Variants in ST8SIA4 observed in about 807,000 individuals in gnomAD.
ST8SIA4 encodes the protein ST8 alpha-N-acetyl-neuraminide alpha-2,8-sialyltransferase 4, also known as CMP-N-acetylneuraminate-poly-alpha-2,8-sialyltransferase.
ST8SIA4 carries 15 observed loss-of-function variants against 33.9 expected under a neutral mutation model. That is an observed-to-expected ratio of 0.44 (90% CI 0.30 to 0.68). ST8SIA4 has a LOEUF of 0.68. ST8SIA4 is among the 30% of genes least tolerant of loss of function. ST8SIA4 has a pLI of 0.10. For synonymous variants in ST8SIA4, 171 were observed against 151.2 expected (o/e 1.13, Z -0.96); for missense variants, 321 against 428.0 (o/e 0.75, Z 2.21).
At chr5:100,842,119 A>G (rs1185120892) in intron 4 of ST8SIA4, among the ~76,000 whole-genome samples, 1 of 151,946 alleles carries the variant, frequency 6.6e-6, no homozygotes, top group East Asian at 1.9e-4. Flanking sequence ...GAATTTTTTA[A>G]TGAAAAATAT....
intron 2 of ST8SIA4, among the ~76,000 whole-genome samples, chr5:100,890,141 G>C (rs1367188217): frequency 6.6e-6 from 1 of 151,790 alleles, no homozygotes; most frequent in African/African-American, 2.4e-5. Context: ...TAATTACTAT[G>C]AGTGAATAAT....
chr5:100,895,506 AG>A, intron 2 of ST8SIA4, 147 bp downstream of exon 2: 1 of 703,944 alleles, frequency 1.4e-6, no homozygotes, highest in South Asian at 2.4e-5. Context: ...CATATTCTTC[AG>A]TGAGCAACAT....
At chr5:100,827,715 C>A (rs544795583) in intron 4 of ST8SIA4, among the ~76,000 whole-genome samples, 1 of 152,298 alleles carries the variant, frequency 6.6e-6, no homozygotes, top group South Asian at 2.1e-4. Flanking sequence ...TGTATTTAAT[C>A]AGGCACTCCC....
intron 4 of ST8SIA4, among the ~76,000 whole-genome samples, chr5:100,842,675 G>T (rs1375847571): frequency 6.6e-6 from 1 of 151,584 alleles, no homozygotes; most frequent in Non-Finnish European, 1.5e-5. Context: ...AATGGTTTTT[G>T]CAAAAAGCTC....
chr5:100,823,073 C>G (rs538343350), intron 4 of ST8SIA4, among the ~76,000 whole-genome samples: 91 of 152,014 alleles, frequency 6.0e-4, no homozygotes, highest in Non-Finnish European at 1.0e-3. Flanking sequence ...AGAGGTTGCA[C>G]TGAGCTGAGA....
intron 4 of ST8SIA4, among the ~76,000 whole-genome samples, chr5:100,814,930 C>G (rs1431675414): frequency 6.6e-6 from 1 of 151,918 alleles, no homozygotes; most frequent in Non-Finnish European, 1.5e-5. Flanking sequence ...TATTTGAAAA[C>G]TGCAAATTTT....
At chr5:100,847,632 T>C (rs1312577771) in intron 4 of ST8SIA4, among the ~76,000 whole-genome samples, 1 of 152,158 alleles carries the variant, frequency 6.6e-6, no homozygotes, top group East Asian at 1.9e-4. Flanking sequence ...TCTGTTTATT[T>C]GTTAGAAACC....
At chr5:100,822,788 G>T (rs573196632) in intron 4 of ST8SIA4, among the ~76,000 whole-genome samples, 1 of 152,104 alleles carries the variant, frequency 6.6e-6, no homozygotes, top group African/African-American at 2.4e-5. Flanking sequence ...GGATGAGACA[G>T]AATGTCAACA....
intron 4 of ST8SIA4, among the ~76,000 whole-genome samples, chr5:100,843,022 G>C (rs1201558317): frequency 6.6e-6 from 1 of 151,822 alleles, no homozygotes; most frequent in African/African-American, 2.4e-5. Context: ...CACTGGTAAA[G>C]TTTGCTGAAA....
intron 4 of ST8SIA4, among the ~76,000 whole-genome samples, chr5:100,821,471 T>A (rs1561384535): frequency 6.6e-6 from 1 of 152,160 alleles, no homozygotes. Flanking sequence ...GACAATAAAA[T>A]ATAAACAACT....
chr5:100,878,917 C>A (rs1314168921), intron 3 of ST8SIA4, among the ~76,000 whole-genome samples: 1 of 151,954 alleles, frequency 6.6e-6, no homozygotes, highest in Non-Finnish European at 1.5e-5. Context: ...TAGGCAGTAC[C>A]ACATGTTTCG....
intron 3 of ST8SIA4, chr5:100,885,710 T>A: frequency 1.1e-6 from 1 of 947,430 alleles, no homozygotes; most frequent in Non-Finnish European, 1.3e-6. Flanking sequence ...GTTGAGTTTT[T>A]TTCAGTTAAT....
At chr5:100,840,130 GTCTAA>G (rs1435753961) in intron 4 of ST8SIA4, among the ~76,000 whole-genome samples, 2 of 151,616 alleles carry the variant, frequency 1.3e-5, no homozygotes, top group Non-Finnish European at 3.0e-5. Flanking sequence ...CAGCAACATT[GTCTAA>G]TACCTGAAAT....
At chr5:100,877,416 G>C (rs942592911) in intron 3 of ST8SIA4, among the ~76,000 whole-genome samples, 4 of 152,086 alleles carry the variant, frequency 2.6e-5, no homozygotes, top group Admixed American at 2.0e-4. Flanking sequence ...CAATAACAAA[G>C]GGCTACGCAT....
intron 3 of ST8SIA4, among the ~76,000 whole-genome samples, chr5:100,861,186 A>C (rs897459351): frequency 6.7e-5 from 10 of 149,222 alleles, no homozygotes; most frequent in African/African-American, 7.7e-5. Flanking sequence ...AAATACACAC[A>C]TACACACACA....
At chr5:100,886,291 A>G in intron 3 of ST8SIA4, 52 bp downstream of exon 3, 1 of 1,578,976 alleles carries the variant, frequency 6.3e-7, no homozygotes, top group Non-Finnish European at 8.6e-7. Context: ...TCCACCCCCA[A>G]GTAAAATATC....
chr5:100,831,747 C>G (rs570826455), intron 4 of ST8SIA4, among the ~76,000 whole-genome samples: 1 of 152,030 alleles, frequency 6.6e-6, no homozygotes, highest in Non-Finnish European at 1.5e-5. Flanking sequence ...CTAAAATGCT[C>G]CTATATGAGT....
Position 100,810,533 on chromosome 5 carries a change from C to A in ST8SIA4, c.*1314G>T, listed in dbSNP as rs1198331197. On this transcript the variant is annotated 3_prime_UTR_variant, in exon 5 of 5. Coordinates refer to ENST00000231461, the MANE Select transcript of ST8SIA4 (RefSeq NM_005668.6). ...TATTCTAAAGGGCAAAATGCTTCCA[C>A]AAAATTATTATGTAATGCAAAAGGT... 1 of 151,914 alleles carries A rather than the reference C, an allele frequency of 6.6e-6. No homozygotes were observed. Among genetic ancestry groups the A allele is most frequent in the Admixed American group, 6.6e-5 (1 of 15,254 alleles). 9.4% of individuals were successfully genotyped at this position (151,914 alleles called of 1,614,324 possible).
chr5:100,851,332 G>T (rs1265542897), intron 4 of ST8SIA4, among the ~76,000 whole-genome samples: 2 of 151,474 alleles, frequency 1.3e-5, no homozygotes, highest in African/African-American at 4.8e-5. Context: ...AACCAGAATT[G>T]TATATTTACT....
Sources: allele counts gnomAD v4.1 joint callset (sites outside exome capture counted in the v4.1 genomes callset), GRCh38; gene constraint gnomAD v4.1.1; transcripts MANE v1.5; gene names NCBI Gene and HGNC (gene_info 2026-07-23, HGNC 2026-07-21).